EED: variants seen among roughly 807,000 people sequenced by gnomAD.
EED encodes embryonic ectoderm development.
Under a neutral mutation model 61.0 loss-of-function variants are expected in EED, and 9 were observed. The ratio of observed to expected loss-of-function variants is 0.15; its 90% confidence interval spans 0.09 to 0.26. EED has a LOEUF of 0.26. Ranked by LOEUF, EED falls within the 10% of genes least tolerant of loss-of-function variation. The pLI, the probability that EED is intolerant of heterozygous loss-of-function variation, is 1.00. For synonymous variants in EED, 187 were observed against 174.4 expected (o/e 1.07, Z -0.57); for missense variants, 315 against 542.3 (o/e 0.58, Z 4.16).
chr11:86,245,235 C>G lies in EED; in HGVS notation c.6C>G (p.Ser2=). Residue 2 remains serine (S), a synonymous_variant, in exon 1 of 12, where the codon TCC becomes TCG. Coordinates refer to ENST00000263360, the MANE Select transcript of EED (RefSeq NM_003797.5). M[S]EREVSTAPAG... ...CTGGAGGGAGGCGGAGGAATATGTC[C>G]GAGAGGGAAGTGTCGACTGCGCCGG... The G allele has an allele frequency of 1.2e-6, 2 of 1,612,882 alleles. No individual in the cohort carries two copies. Among genetic ancestry groups the G allele is most frequent in the Non-Finnish European group, 1.7e-6 (2 of 1,179,658 alleles).
Position 86,256,563 on chromosome 11 carries a change from G to A in EED, c.552+51G>A, listed in dbSNP as rs977393685. On this transcript the variant is annotated intron_variant, in intron 5 of 11. Transcript: ENST00000263360. ...ATCTGCTTCTTTTGAATCCACAACT[G>A]TAAAAACTTGTAATGTTAAATTTAA... 8.3e-6 allele frequency: 12 copies of A among 1,448,970 alleles called. No homozygotes were observed. The African/African-American group carries it at 8.5e-5, about 10-fold the overall frequency. 89.8% of individuals were successfully genotyped at this position (1,448,970 alleles called of 1,614,324 possible).
chr11:86,268,621 GTGTGTA>G (rs1270674087), intron 9 of EED, 60 bp downstream of exon 9: 6 of 1,114,448 alleles, frequency 5.4e-6, no homozygotes, highest in South Asian at 3.4e-5. Flanking sequence ...GTGTGTGTGT[GTGTGTA>G]TGTGTGTGCG....
chr11:86,263,931 A>G (rs189825522), intron 6 of EED: 47 of 474,394 alleles, frequency 9.9e-5, no homozygotes, highest in Admixed American at 5.9e-4. Flanking sequence ...TCACACCACT[A>G]TTGCATTGGG....
At chr11:86,276,298 A>G (rs1161134092) in intron 9 of EED, 2 of 152,200 alleles carry the variant, frequency 1.3e-5, no homozygotes, top group African/African-American at 4.8e-5. Context: ...ATTTGATTTT[A>G]TAGGATAGGA....
At chr11:86,248,838 G>A (rs1450256629) in intron 1 of EED, among the ~76,000 whole-genome samples, 2 of 152,098 alleles carry the variant, frequency 1.3e-5, no homozygotes, top group African/African-American at 2.4e-5. Context: ...GGGCGACATC[G>A]TGAAACTCTG....
the EED span, chr11:86,284,199 A>AAG: frequency 2.6e-5 from 4 of 152,224 alleles, no homozygotes; most frequent in Admixed American, 1.3e-4. Context: ...AGGACAGCAG[A>AAG]TTCTTCAAAG....
At chr11:86,266,649 C>G (rs1318884252) in intron 8 of EED, among the ~76,000 whole-genome samples, 1 of 152,034 alleles carries the variant, frequency 6.6e-6, no homozygotes, top group East Asian at 1.9e-4. Flanking sequence ...GTTCTTAGCT[C>G]TAATTCATGA....
At chr11:86,276,236 A>G (rs1309699849) in intron 9 of EED, 4 of 152,102 alleles carry the variant, frequency 2.6e-5, no homozygotes, top group Non-Finnish European at 5.9e-5. Context: ...CAGTTTTGCA[A>G]TTTTTTCTCA....
At chr11:86,270,222 TAA>T in intron 9 of EED, 3 of 610,612 alleles carry the variant, frequency 4.9e-6, no homozygotes, top group Non-Finnish European at 9.0e-6. Flanking sequence ...ATCGTGGTCT[TAA>T]TTTGCATTTC....
chr11:86,276,960 C>G lies in EED; in HGVS notation c.967-20C>G. The G allele has an allele frequency of 6.8e-7, 1 of 1,463,990 alleles. No individual in the cohort carries two copies. The highest frequency in any genetic ancestry group is 1.4e-5 in the African/African-American group (1 of 70,774). 90.7% of individuals were successfully genotyped at this position (1,463,990 alleles called of 1,614,324 possible). Reference sequence around the variant, plus strand: ...GTTCCTCATTAACATTTCTTTTTCTCATTTCTCTCTCTGTTTTAGTCTTGT... The same window carrying G: ...GTTCCTCATTAACATTTCTTTTTCTGATTTCTCTCTCTGTTTTAGTCTTGT... On this transcript the variant is annotated intron_variant, in intron 9 of 11. Transcript: ENST00000263360.
At chr11:86,268,841 T>G (rs1373523143) in intron 9 of EED, among the ~76,000 whole-genome samples, 3 of 152,216 alleles carry the variant, frequency 2.0e-5, no homozygotes. Context: ...TAGTCAGTAT[T>G]GTTACAAGAT....
intron 6 of EED, among the ~76,000 whole-genome samples, chr11:86,262,111 G>A (rs1263598499): frequency 6.6e-6 from 1 of 151,850 alleles, no homozygotes; most frequent in African/African-American, 2.4e-5. Context: ...TGAACTTCTG[G>A]GCTCAAATGA....
At chr11:86,263,932 T>C (rs2036187) in intron 6 of EED, 9,017 of 480,134 alleles carry the variant, frequency 0.019, 383 homozygotes, top group East Asian at 0.1. Context: ...CACACCACTA[T>C]TGCATTGGGG....
At chr11:86,277,772 GAGTATAAGA>G in intron 10 of EED, 137 bp from the exon 11 acceptor site, 1 of 567,508 alleles carries the variant, frequency 1.8e-6, no homozygotes, top group Non-Finnish European at 2.7e-6. Context: ...TACGAATCAG[GAGTATAAGA>G]CCCAAAGAAA....
chr11:86,245,008 G>T lies in EED; in HGVS notation c.-222G>T. ...GTTGGGGAAGGGAAGGAGCCAGGAA[G>T]CCGCGCGGGAGGGCGCGCGCGCGCG... On this transcript the variant is annotated 5_prime_UTR_variant, in exon 1 of 12. Coordinates refer to ENST00000263360, the MANE Select transcript of EED (RefSeq NM_003797.5). 2.2e-6 allele frequency: 1 copy of T among 459,696 alleles called. No homozygotes were observed. Among genetic ancestry groups the T allele is most frequent in the Non-Finnish European group, 3.9e-6 (1 of 258,794 alleles). The allele number at this position is 459,696 out of a possible 1,614,324, so 28.5% of individuals were successfully genotyped here. A position where few individuals can be genotyped will look rare whatever the true frequency, so the allele number is the denominator to read the frequency against.
chr11:86,268,897 C>G (rs971133172), intron 9 of EED, among the ~76,000 whole-genome samples: 1 of 151,938 alleles, frequency 6.6e-6, no homozygotes, highest in Non-Finnish European at 1.5e-5. Context: ...TTTTTTGTAT[C>G]TCTGTGACTA....
chr11:86,255,190 G>T, intron 3 of EED, 32 bp from the exon 4 acceptor site: 1 of 1,533,014 alleles, frequency 6.5e-7, no homozygotes, highest in Non-Finnish European at 9.0e-7. Context: ...CTATACTTGA[G>T]ATGAAATTTA....
At chr11:86,277,563 G>C in intron 10 of EED, 1 of 182,858 alleles carries the variant, frequency 5.5e-6, no homozygotes, top group East Asian at 1.3e-4. Flanking sequence ...GGATTTTCTG[G>C]TAACAAATTA....
chr11:86,280,231 CA>C (rs1406561398), downstream of EED, among the ~76,000 whole-genome samples: 1 of 152,154 alleles, frequency 6.6e-6, no homozygotes, highest in Non-Finnish European at 1.5e-5. Flanking sequence ...GCTTGGATTA[CA>C]GGTGTGTGCC....
Sources: allele counts gnomAD v4.1 joint callset (sites outside exome capture counted in the v4.1 genomes callset), GRCh38; gene constraint gnomAD v4.1.1; transcripts MANE v1.5; gene names NCBI Gene and HGNC (gene_info 2026-07-23, HGNC 2026-07-21).